Variants in GABRA2 observed in about 807,000 individuals in gnomAD.
GABRA2 encodes gamma-aminobutyric acid receptor subunit alpha-2.
In GABRA2, 16 loss-of-function variants were observed where a neutral mutation model predicts 48.7. The observed-to-expected ratio is 0.33, with a 90% confidence interval of 0.22 to 0.50. The LOEUF (loss-of-function observed/expected upper bound fraction) is 0.50. Among genes scored for constraint, GABRA2 ranks in the 20% least tolerant of loss-of-function variants. The probability of loss-of-function intolerance (pLI) is 0.98; values close to 1 mark genes in which losing one functional copy is unlikely to be tolerated. For missense variants in GABRA2, 275 were observed against 535.6 expected, an observed-to-expected ratio of 0.51 and a Z score of 4.80; for synonymous variants, 185 against 184.5, an observed-to-expected ratio of 1.00 and a Z score of -0.02.
intron 3 of GABRA2, among the ~76,000 whole-genome samples, chr4:46,343,688 A>G (rs1227220725): frequency 6.6e-6 from 1 of 152,010 alleles, no homozygotes; most frequent in African/African-American, 2.4e-5. Flanking sequence ...GATCTGTATA[A>G]TATGTATAAC....
intron 8 of GABRA2, among the ~76,000 whole-genome samples, chr4:46,276,600 A>AC (rs1720557355): frequency 1.1e-5 from 1 of 88,692 alleles, no homozygotes; most frequent in Admixed American, 1.1e-4. Flanking sequence ...CTTCAGGCTC[A>AC]AAAAAAAAAA....
chr4:46,283,017 A>G (rs1721827212), intron 8 of GABRA2, among the ~76,000 whole-genome samples: 1 of 152,226 alleles, frequency 6.6e-6, no homozygotes, highest in Non-Finnish European at 1.5e-5. Flanking sequence ...TTGAACCAAG[A>G]TACTCTGGCT....
Position 46,244,097 on chromosome 4 carries a change from CA to C in GABRA2, c.*6210del, listed in dbSNP as rs1387067496. 4 of 151,382 alleles carry C rather than the reference CA, an allele frequency of 2.6e-5. No individual in the cohort carries two copies. Among genetic ancestry groups the C allele is most frequent in the Non-Finnish European group, 5.9e-5 (4 of 67,598 alleles). 9.4% of individuals were successfully genotyped at this position (151,382 alleles called of 1,614,324 possible). On this transcript the variant is annotated 3_prime_UTR_variant, in exon 10 of 10. Transcript: ENST00000381620. ...AGTGCAGGCACCCAAGATTAACAAG[CA>C]ATAAGGACTTAACTGTGGATGGTAA...
chr4:46,345,086 G>A (rs999432633), intron 3 of GABRA2, among the ~76,000 whole-genome samples: 2 of 151,746 alleles, frequency 1.3e-5, no homozygotes, highest in African/African-American at 2.4e-5. Flanking sequence ...TAGTGAGTGA[G>A]TTCTCACGAG....
intron 3 of GABRA2, among the ~76,000 whole-genome samples, chr4:46,358,126 G>A (rs1205702834): frequency 6.6e-6 from 1 of 152,116 alleles, no homozygotes; most frequent in Admixed American, 6.5e-5. Context: ...TGATGATAAT[G>A]ACAATGAAGA....
chr4:46,330,996 C>T (rs2109804609), intron 4 of GABRA2, among the ~76,000 whole-genome samples: 1 of 152,210 alleles, frequency 6.6e-6, no homozygotes, highest in Middle Eastern at 3.4e-3. Context: ...GGAATGCACA[C>T]TCTTGCTAAA....
rs113049147 is a variant in GABRA2, at chr4:46,296,655, G to GAAAAA, written c.856+6804_856+6805insTTTTT. ...GAAGGTTTGGATTACTCTATCAGGG[G>GAAAAA]GAAAAAAAAAAAGAAAAAAAAAAAC... On this transcript the variant is annotated intron_variant, in intron 8 of 9. Coordinates refer to ENST00000381620, the MANE Select transcript of GABRA2 (RefSeq NM_000807.4). Among the ~76,000 whole-genome samples the GAAAAA allele has an allele frequency of 3.8e-3, 482 of 127,950 alleles. 33 individuals carry two copies. Among genetic ancestry groups the GAAAAA allele is most frequent in the African/African-American group, 5.1e-3 (166 of 32,758 alleles). 83.9% of individuals were successfully genotyped at this position (127,950 alleles called of 152,430 possible). A position where few individuals can be genotyped will look rare whatever the true frequency, so the allele number is the denominator to read the frequency against.
chr4:46,313,206 GAA>G (rs894259339), intron 4 of GABRA2, among the ~76,000 whole-genome samples: 1 of 149,474 alleles, frequency 6.7e-6, no homozygotes. Flanking sequence ...AAATTAAAAA[GAA>G]AAATTAAAAA....
intron 3 of GABRA2, among the ~76,000 whole-genome samples, chr4:46,346,970 A>C (rs896031428): frequency 1.3e-5 from 2 of 152,104 alleles, no homozygotes; most frequent in African/African-American, 4.8e-5. Flanking sequence ...TAGCATTTCT[A>C]TATACTAACA....
intron 8 of GABRA2, among the ~76,000 whole-genome samples, chr4:46,288,750 A>T (rs781297025): frequency 6.6e-6 from 1 of 152,248 alleles, no homozygotes; most frequent in African/African-American, 2.4e-5. Context: ...TTCACAGTAA[A>T]GAAAACTATC....
At chr4:46,325,644 G>T (rs1033617835) in intron 4 of GABRA2, among the ~76,000 whole-genome samples, 1 of 151,840 alleles carries the variant, frequency 6.6e-6, no homozygotes, top group African/African-American at 2.4e-5. Flanking sequence ...ACATGAAATT[G>T]TTGTCAAGGC....
chr4:46,367,791 G>A (rs1714278837), intron 3 of GABRA2: 1 of 152,146 alleles, frequency 6.6e-6, no homozygotes, highest in Non-Finnish European at 1.5e-5. Context: ...CACTATGGAA[G>A]ATGACTTGCA....
intron 3 of GABRA2, among the ~76,000 whole-genome samples, chr4:46,341,927 G>A (rs1733312404): frequency 6.6e-6 from 1 of 151,940 alleles, no homozygotes. Context: ...AAATGCCCTG[G>A]AAATAGAGCT....
At chr4:46,264,490 G>T (rs1056756772) in intron 8 of GABRA2, among the ~76,000 whole-genome samples, 3 of 151,920 alleles carry the variant, frequency 2.0e-5, no homozygotes, top group Admixed American at 6.6e-5. Context: ...ATATTGATTT[G>T]ATTTTTGTAT....
At chr4:46,318,712 A>G (rs1275503804) in intron 4 of GABRA2, among the ~76,000 whole-genome samples, 1 of 151,730 alleles carries the variant, frequency 6.6e-6, no homozygotes, top group African/African-American at 2.4e-5. Flanking sequence ...AAAGAAATTA[A>G]TAATAAAAGG....
intron 6 of GABRA2, among the ~76,000 whole-genome samples, chr4:46,308,356 C>T (rs532510623): frequency 2.0e-5 from 3 of 152,168 alleles, no homozygotes; most frequent in Non-Finnish European, 2.9e-5. Context: ...TGACGAAGTT[C>T]CTGAAATACA....
chr4:46,297,177 A>G (rs1394404533), intron 8 of GABRA2, among the ~76,000 whole-genome samples: 1 of 151,958 alleles, frequency 6.6e-6, no homozygotes, highest in East Asian at 1.9e-4. Flanking sequence ...GCCAAAGGAG[A>G]TTAACATTTG....
chr4:46,257,299 T>C (rs1263714327), intron 9 of GABRA2, among the ~76,000 whole-genome samples: 1 of 151,702 alleles, frequency 6.6e-6, no homozygotes, highest in Admixed American at 6.6e-5. Flanking sequence ...TAGGAGTTTG[T>C]CAGTTAGCAG....
intron 3 of GABRA2, among the ~76,000 whole-genome samples, chr4:46,342,027 G>A (rs2109858489): frequency 6.6e-6 from 1 of 152,146 alleles, no homozygotes; most frequent in South Asian, 2.1e-4. Context: ...CTGGTGATGG[G>A]AGTTTTGGGG....
Sources: allele counts gnomAD v4.1 joint callset (sites outside exome capture counted in the v4.1 genomes callset), GRCh38; gene constraint gnomAD v4.1.1; transcripts MANE v1.5; gene names NCBI Gene and HGNC (gene_info 2026-07-23, HGNC 2026-07-21).